Variants in KCNQ3 observed in about 807,000 individuals in gnomAD.
The protein encoded by KCNQ3 is potassium voltage-gated channel subfamily KQT member 3.
KCNQ3 carries 30 observed loss-of-function variants against 92.5 expected under a neutral mutation model. That is an observed-to-expected ratio of 0.32 (90% CI 0.24 to 0.44). The LOEUF (loss-of-function observed/expected upper bound fraction) is 0.44. Among genes scored for constraint, KCNQ3 ranks in the 20% least tolerant of loss-of-function variants. The pLI is 1.00. For synonymous variants in KCNQ3, 450 were observed against 468.8 expected (o/e 0.96, Z 0.52); for missense variants, 913 against 1,140.3 (o/e 0.80, Z 2.87).
chr8:132,211,096 T>C (rs1306190558), intron 1 of KCNQ3, among the ~76,000 whole-genome samples: 1 of 152,236 alleles, frequency 6.6e-6, no homozygotes, highest in Admixed American at 6.5e-5. Context: ...TTGAGCCTAC[T>C]GGGCCCTCAC....
At chr8:132,228,259 G>A (rs1814496856) in intron 1 of KCNQ3, among the ~76,000 whole-genome samples, 2 of 151,842 alleles carry the variant, frequency 1.3e-5, no homozygotes, top group Non-Finnish European at 2.9e-5. Context: ...AAATATTCAG[G>A]CATCAAAGTG....
At chr8:132,163,649 G>A (rs1826058137) in intron 8 of KCNQ3, among the ~76,000 whole-genome samples, 155 bp from the exon 9 acceptor site, 1 of 152,214 alleles carries the variant, frequency 6.6e-6, no homozygotes, top group Non-Finnish European at 1.5e-5. Flanking sequence ...CAATGAAGGA[G>A]GCGGGTTTAC....
chr8:132,363,856 T>G (rs1253695686), intron 1 of KCNQ3, among the ~76,000 whole-genome samples: 3 of 151,832 alleles, frequency 2.0e-5, no homozygotes, highest in African/African-American at 7.3e-5. Context: ...TGACAGGAAC[T>G]GGTGAATTTT....
chr8:132,258,896 T>C (rs1815683210), intron 1 of KCNQ3, among the ~76,000 whole-genome samples: 1 of 152,042 alleles, frequency 6.6e-6, no homozygotes, highest in East Asian at 1.9e-4. Flanking sequence ...AAAAATTAGA[T>C]AACCTAGATG....
intron 1 of KCNQ3, among the ~76,000 whole-genome samples, chr8:132,477,350 T>TAA (rs5895143): frequency 1.4e-5 from 2 of 143,670 alleles, no homozygotes; most frequent in Non-Finnish European, 3.0e-5. Context: ...CATTTTAATT[T>TAA]AAAAAAAAAA....
At chr8:132,360,964 C>A (rs4527849) in intron 1 of KCNQ3, among the ~76,000 whole-genome samples, 36,318 of 151,908 alleles carry the variant, frequency 0.24, 4,744 homozygotes, top group East Asian at 0.43. Flanking sequence ...CATGCTTCCA[C>A]CAGGCTACTG....
At chr8:132,224,754 CT>C (rs35520295) in intron 1 of KCNQ3, among the ~76,000 whole-genome samples, 63,831 of 151,938 alleles carry the variant, frequency 0.42, 13,825 homozygotes, top group Non-Finnish European at 0.48. Context: ...GATTTTGATA[CT>C]TTTTTTTGAG....
intron 1 of KCNQ3, among the ~76,000 whole-genome samples, chr8:132,347,532 T>C (rs546726214): frequency 6.6e-6 from 1 of 152,022 alleles, no homozygotes; most frequent in Non-Finnish European, 1.5e-5. Flanking sequence ...CAATGGCAAA[T>C]GGTGACAAAT....
intron 1 of KCNQ3, among the ~76,000 whole-genome samples, chr8:132,402,257 G>A (rs556442337): frequency 4.6e-5 from 7 of 152,214 alleles, no homozygotes; most frequent in African/African-American, 1.7e-4. Context: ...TTAATGAGAA[G>A]GAGCCCAGCT....
intron 1 of KCNQ3, among the ~76,000 whole-genome samples, chr8:132,401,382 CT>C (rs34392139): frequency 1.5e-4 from 22 of 148,420 alleles, no homozygotes; most frequent in Admixed American, 2.0e-4. Flanking sequence ...GAATAGAACA[CT>C]TTTTTTTTTT....
intron 1 of KCNQ3, among the ~76,000 whole-genome samples, chr8:132,362,229 C>T (rs989289186): frequency 2.6e-5 from 4 of 152,048 alleles, no homozygotes; most frequent in Non-Finnish European, 4.4e-5. Flanking sequence ...AATAAACATA[C>T]TTAAAAAAAA....
chr8:132,336,440 C>T (rs571194581), intron 1 of KCNQ3, among the ~76,000 whole-genome samples: 1 of 152,334 alleles, frequency 6.6e-6, no homozygotes, highest in East Asian at 1.9e-4. Context: ...TAGAAAGTAC[C>T]TGCATGATGG....
chr8:132,474,354 T>C (rs1351835302), intron 1 of KCNQ3, among the ~76,000 whole-genome samples: 1 of 152,110 alleles, frequency 6.6e-6, no homozygotes, highest in Non-Finnish European at 1.5e-5. Flanking sequence ...ACTCCTGCAG[T>C]CACAGAGACA....
chr8:132,223,536 G>C (rs765662991), intron 1 of KCNQ3, among the ~76,000 whole-genome samples: 1 of 152,220 alleles, frequency 6.6e-6, no homozygotes, highest in Non-Finnish European at 1.5e-5. Context: ...AGGAGTTACA[G>C]TTCATGGATC....
chr8:132,187,870 G>GTGC, intron 1 of KCNQ3, among the ~76,000 whole-genome samples: 1 of 121,438 alleles, frequency 8.2e-6, no homozygotes, highest in African/African-American at 3.7e-5. Flanking sequence ...GGTGGTGGTG[G>GTGC]TGATAGTGAT....
At chr8:132,432,184 C>A (rs1270418518) in intron 1 of KCNQ3, among the ~76,000 whole-genome samples, 1 of 152,140 alleles carries the variant, frequency 6.6e-6, no homozygotes, top group Non-Finnish European at 1.5e-5. Flanking sequence ...ATCATATCAG[C>A]AGCACCTGGG....
At chr8:132,475,377 C>T (rs1822387668) in intron 1 of KCNQ3, among the ~76,000 whole-genome samples, 1 of 152,156 alleles carries the variant, frequency 6.6e-6, no homozygotes, top group East Asian at 1.9e-4. Flanking sequence ...TTTGGAACTT[C>T]CCAGTGACTT....
chr8:132,397,530 G>A (rs776259285), intron 1 of KCNQ3, among the ~76,000 whole-genome samples: 81 of 152,290 alleles, frequency 5.3e-4, no homozygotes, highest in Non-Finnish European at 9.0e-4. Context: ...TAAGTGCTGG[G>A]TACAAAGTAG....
chr8:132,415,306 C>T (rs906319305), intron 1 of KCNQ3, among the ~76,000 whole-genome samples: 2 of 152,228 alleles, frequency 1.3e-5, no homozygotes, highest in East Asian at 3.8e-4. Context: ...CTACTCCAGT[C>T]AGCTCCAGTG....
Sources: allele counts gnomAD v4.1 joint callset (sites outside exome capture counted in the v4.1 genomes callset), GRCh38; gene constraint gnomAD v4.1.1; transcripts MANE v1.5; gene names NCBI Gene and HGNC (gene_info 2026-07-23, HGNC 2026-07-21).